SPATA13: variants seen among roughly 807,000 people sequenced by gnomAD.
The protein encoded by SPATA13 is spermatogenesis associated 13.
A neutral mutation model predicts 104.0 loss-of-function variants in SPATA13; 50 were observed. The observed-to-expected ratio is 0.48, with a 90% CI of 0.38 to 0.61. The LOEUF is 0.61. SPATA13 is among the 20% of genes least tolerant of loss of function. SPATA13 has a pLI of 0.00. For synonymous variants in SPATA13, 606 were observed against 667.5 expected, an observed-to-expected ratio of 0.91 and a Z score of 1.42; for missense variants, 1,524 against 1,690.6, an observed-to-expected ratio of 0.90 and a Z score of 1.73.
intron 3 of SPATA13, among the ~76,000 whole-genome samples, chr13:24,035,182 C>CT (rs1166412172): frequency 6.6e-6 from 1 of 152,188 alleles, no homozygotes; most frequent in African/African-American, 2.4e-5. Context: ...TTGAGACAGT[C>CT]TCACTCTTGT....
At chr13:24,091,277 C>G (rs1159745835) in intron 3 of SPATA13, among the ~76,000 whole-genome samples, 1 of 152,200 alleles carries the variant, frequency 6.6e-6, no homozygotes, top group South Asian at 2.1e-4. Context: ...ATGGGTGTGG[C>G]CTTCCTGGTT....
intron 3 of SPATA13, among the ~76,000 whole-genome samples, chr13:24,048,211 A>C (rs1042639219): frequency 6.6e-6 from 1 of 152,348 alleles, no homozygotes; most frequent in South Asian, 2.1e-4. Flanking sequence ...GTGGACACAT[A>C]AAATTCACTA....
In SPATA13 at chr13:24,024,805, C is replaced by T. The variant is rs554648187; in HGVS notation, c.-112+7104C>T. Among the ~76,000 whole-genome samples the T allele has an allele frequency of 1.1e-3, 168 of 150,916 alleles. 3 individuals are homozygous for T. Among genetic ancestry groups the T allele is most frequent in the African/African-American group, 3.7e-3 (153 of 41,224 alleles). ...GGGTGCAGTGGCACATGCCTGTGGC[C>T]CCAGTTACTTGGCAGGCTCAGATGG... is the stretch of plus-strand genomic sequence containing the variant. On this transcript the variant is annotated intron_variant, in intron 3 of 14. Coordinates refer to the SPATA13 transcript ENST00000424834.
intron 3 of SPATA13, among the ~76,000 whole-genome samples, chr13:24,100,017 C>T (rs1489924680): frequency 2.0e-5 from 3 of 152,130 alleles, no homozygotes; most frequent in African/African-American, 7.2e-5. Context: ...GTGGCCGGCA[C>T]AGTTCTCTTT....
At chr13:24,032,138 G>A (rs930513755) in intron 3 of SPATA13, among the ~76,000 whole-genome samples, 2 of 152,070 alleles carry the variant, frequency 1.3e-5, no homozygotes, top group Non-Finnish European at 2.9e-5. Flanking sequence ...CTGATCACCC[G>A]GCTTCTCTTC....
At chr13:23,982,490 G>A (rs184817858) in intron 1 of SPATA13, among the ~76,000 whole-genome samples, 1 of 151,952 alleles carries the variant, frequency 6.6e-6, no homozygotes, top group African/African-American at 2.4e-5. Flanking sequence ...AAACTTTACC[G>A]GACTGATGAA....
intron 9 of SPATA13, among the ~76,000 whole-genome samples, chr13:24,292,488 A>C (rs1876461980): frequency 6.6e-6 from 1 of 152,186 alleles, no homozygotes; most frequent in African/African-American, 2.4e-5. Context: ...CCCTGACACA[A>C]AGTCTTTAAC....
intron 1 of SPATA13, among the ~76,000 whole-genome samples, chr13:24,163,324 C>G (rs749503483): frequency 6.6e-6 from 1 of 152,134 alleles, no homozygotes; most frequent in African/African-American, 2.4e-5. Context: ...ATCTCTTGAG[C>G]CTGGGAGGTT....
At chr13:24,181,248 A>C (rs1468156783) in intron 1 of SPATA13, among the ~76,000 whole-genome samples, 1 of 152,162 alleles carries the variant, frequency 6.6e-6, no homozygotes, top group South Asian at 2.1e-4. Context: ...CACTTAGTCC[A>C]CTCTAAATGT....
intron 4 of SPATA13, among the ~76,000 whole-genome samples, chr13:24,259,059 G>C (rs1029223107): frequency 1.3e-5 from 2 of 152,172 alleles, no homozygotes; most frequent in Non-Finnish European, 2.9e-5. Flanking sequence ...TGAGCATCTC[G>C]TCTCATGCCT....
intron 3 of SPATA13, among the ~76,000 whole-genome samples, chr13:24,041,552 C>T (rs1877929651): frequency 6.6e-6 from 1 of 152,190 alleles, no homozygotes; most frequent in Admixed American, 6.5e-5. Flanking sequence ...AAAGGTTAAA[C>T]GATGTTGGAA....
At position 24,190,120 on chromosome 13, in the gene SPATA13, CATA is replaced by C. The variant is rs1373411456; in HGVS notation, c.-112+29195_-112+29197del. 3.5e-3 allele frequency among the ~76,000 whole-genome samples: 16 copies of C among 4,580 alleles called. 4 individuals are homozygous for C. Among genetic ancestry groups the C allele is most frequent in the African/African-American group, 3.7e-3 (16 of 4,358 alleles). 3.0% of individuals were successfully genotyped at this position (4,580 alleles called of 152,430 possible). A position where few individuals can be genotyped will look rare whatever the true frequency, so the allele number is the denominator to read the frequency against. ...ATATACAATATATATTATTATATAA[CATA>C]ATAATATACAATATATATTATTATA... On this transcript the variant is annotated intron_variant, in intron 1 of 12. Coordinates refer to ENST00000382108, the MANE Select transcript of SPATA13 (RefSeq NM_001166271.3).
At chr13:24,094,013 C>CT (rs1879990383) in intron 3 of SPATA13, among the ~76,000 whole-genome samples, 1 of 152,148 alleles carries the variant, frequency 6.6e-6, no homozygotes, top group East Asian at 1.9e-4. Context: ...TGGATGTAAA[C>CT]AGTAGATGTC....
intron 2 of SPATA13, among the ~76,000 whole-genome samples, chr13:24,230,019 G>A (rs1872170858): frequency 6.6e-6 from 1 of 152,206 alleles, no homozygotes. Context: ...TTTGAAGAAG[G>A]AGGATTTCTA....
At chr13:24,164,599 G>T (rs1244883749) in intron 1 of SPATA13, among the ~76,000 whole-genome samples, 3 of 152,186 alleles carry the variant, frequency 2.0e-5, no homozygotes, top group African/African-American at 4.8e-5. Context: ...TATAACTGAG[G>T]AGCAAGTCAA....
At chr13:24,139,254 C>T (rs928336649) in intron 3 of SPATA13, among the ~76,000 whole-genome samples, 4 of 152,122 alleles carry the variant, frequency 2.6e-5, no homozygotes, top group Admixed American at 6.5e-5. Flanking sequence ...CAGTCAGTTT[C>T]GGGTCCACCC....
chr13:24,127,686 A>T (rs928619965), intron 3 of SPATA13, among the ~76,000 whole-genome samples: 1 of 152,230 alleles, frequency 6.6e-6, no homozygotes, highest in South Asian at 2.1e-4. Flanking sequence ...GTAAATCTCC[A>T]TACAGATAAT....
intron 3 of SPATA13, among the ~76,000 whole-genome samples, chr13:24,149,553 T>A (rs1376623695): frequency 6.6e-6 from 1 of 152,218 alleles, no homozygotes; most frequent in Non-Finnish European, 1.5e-5. Context: ...GGAGTTCTGC[T>A]GCCACTTTTT....
At chr13:24,221,484 A>T (rs2861542) in intron 1 of SPATA13, among the ~76,000 whole-genome samples, 40,511 of 151,708 alleles carry the variant, frequency 0.27, 5,742 homozygotes, top group Middle Eastern at 0.37. Context: ...GTTAAGGGGG[A>T]GCAGGATTTT....
Sources: allele counts gnomAD v4.1 joint callset (sites outside exome capture counted in the v4.1 genomes callset), GRCh38; gene constraint gnomAD v4.1.1; transcripts MANE v1.5; gene names NCBI Gene and HGNC (gene_info 2026-07-23, HGNC 2026-07-21).